STX17: variants seen among roughly 807,000 people sequenced by gnomAD.
STX17 encodes syntaxin 17.
Under a neutral mutation model 35.9 loss-of-function variants are expected in STX17, and 29 were observed. The ratio of observed to expected loss-of-function variants is 0.81; its 90% CI spans 0.60 to 1.10. The LOEUF (loss-of-function observed/expected upper bound fraction) is 1.10, where lower values mean the gene tolerates loss of function less well. STX17 is among the 50% of genes least tolerant of loss of function. The pLI is 0.00. For synonymous variants in STX17, 92 were observed against 118.3 expected (o/e 0.78, Z 1.44); for missense variants, 312 against 352.3 (o/e 0.89, Z 0.92).
intron 2 of STX17, among the ~76,000 whole-genome samples, chr9:99,926,745 G>A (rs1281921604): frequency 1.3e-5 from 2 of 152,104 alleles, no homozygotes; most frequent in East Asian, 1.9e-4. Flanking sequence ...TGATCCGCCC[G>A]CTTCAGCCTC....
chr9:99,971,494 G>A lies in STX17; in HGVS notation c.*2821G>A, dbSNP rs1830014289. ...CCCACTAAATTGATATCTACCAATG[G>A]GTTGCAACCCTTAGCTTGAAAAAAA... On this transcript the variant is annotated 3_prime_UTR_variant, in exon 8 of 8. Coordinates refer to ENST00000259400, the MANE Select transcript of STX17 (RefSeq NM_017919.3). Among the ~76,000 whole-genome samples, 1 of 151,846 alleles carries A rather than the reference G, an allele frequency of 6.6e-6. No homozygotes were observed. The highest frequency in any genetic ancestry group is 6.6e-5 in the Admixed American group (1 of 15,250).
At chr9:99,926,944 A>G (rs1018739188) in intron 2 of STX17, among the ~76,000 whole-genome samples, 1 of 152,228 alleles carries the variant, frequency 6.6e-6, no homozygotes, top group Non-Finnish European at 1.5e-5. Context: ...TTGTGGTCAC[A>G]TGTACCATTT....
intron 2 of STX17, among the ~76,000 whole-genome samples, chr9:99,920,880 T>G (rs1288536619): frequency 6.6e-6 from 1 of 152,220 alleles, no homozygotes; most frequent in Non-Finnish European, 1.5e-5. Flanking sequence ...TATTCCTTAT[T>G]TTTCTTGTAA....
chr9:99,914,751 C>CT (rs1303313302), intron 1 of STX17, among the ~76,000 whole-genome samples: 1 of 152,096 alleles, frequency 6.6e-6, no homozygotes, highest in Non-Finnish European at 1.5e-5. Context: ...CATTTGATAC[C>CT]TTTTTTAAAA....
chr9:99,917,196 G>C (rs1828793961), intron 2 of STX17, among the ~76,000 whole-genome samples: 1 of 152,090 alleles, frequency 6.6e-6, no homozygotes, highest in Non-Finnish European at 1.5e-5. Context: ...ATTTTATACT[G>C]ATCTAGGTTT....
chr9:99,922,696 G>A, intron 2 of STX17, among the ~76,000 whole-genome samples: 1 of 152,224 alleles, frequency 6.6e-6, no homozygotes, highest in East Asian at 1.9e-4. Context: ...GGGGCAGCAA[G>A]GGGTGGGCAA....
At chr9:99,911,033 T>TC (rs1285553983) in intron 1 of STX17, among the ~76,000 whole-genome samples, 1 of 151,622 alleles carries the variant, frequency 6.6e-6, no homozygotes, top group Non-Finnish European at 1.5e-5. Context: ...AGGATTTCAT[T>TC]CTTTTTTTTT....
intron 3 of STX17, chr9:99,929,766 A>G (rs1829074153): frequency 1.3e-5 from 2 of 151,956 alleles, no homozygotes; most frequent in Admixed American, 1.3e-4. Flanking sequence ...CAAATAGTGA[A>G]ATACAGTACT....
intron 1 of STX17, among the ~76,000 whole-genome samples, chr9:99,909,998 C>T (rs374235171): frequency 3.2e-4 from 49 of 152,032 alleles, no homozygotes; most frequent in African/African-American, 1.1e-3. Context: ...TTTGGGAGGC[C>T]GAGGCAGGTG....
At chr9:99,938,785 T>TGGAA (rs1282089557) in intron 3 of STX17, among the ~76,000 whole-genome samples, 4 of 102,556 alleles carry the variant, frequency 3.9e-5, no homozygotes, top group Non-Finnish European at 7.2e-5. Flanking sequence ...AGACCTTGTC[T>TGGAA]GGAAGGAAGG....
chr9:99,971,440 T>C lies in STX17; in HGVS notation c.*2767T>C, dbSNP rs1471493483. 2.0e-5 allele frequency among the ~76,000 whole-genome samples: 3 copies of C among 152,196 alleles called. No homozygotes were observed. Among genetic ancestry groups the C allele is most frequent in the Non-Finnish European group, 2.9e-5 (2 of 68,042 alleles). ...CTTACCATTCTGATGCTTTTTATTG[T>C]TTCAGTTTTTAAAATATGCCAGTTG... On this transcript the variant is annotated 3_prime_UTR_variant, in exon 8 of 8. Coordinates refer to ENST00000259400, the MANE Select transcript of STX17 (RefSeq NM_017919.3).
intron 6 of STX17, among the ~76,000 whole-genome samples, chr9:99,961,234 A>G (rs1321662190): frequency 6.6e-6 from 1 of 152,210 alleles, no homozygotes; most frequent in Non-Finnish European, 1.5e-5. Flanking sequence ...TGCTTCAGAA[A>G]GATCACTGTT....
rs893149846 is a variant in STX17 at position 99,959,135 on chromosome 9, A to G, written c.416-782A>G. 5.9e-5 allele frequency among the ~76,000 whole-genome samples: 9 copies of G among 152,330 alleles called. No individual in the cohort carries two copies. The South Asian group carries it at 1.7e-3, about 28-fold the overall frequency. ...TTATATAGGTACGTCTCCTTGGAAC[A>G]TTGGCCAAGTAGAATAGTTTTCTTT... On this transcript the variant is annotated intron_variant, in intron 4 of 7. Transcript: ENST00000259400.
In STX17 at chr9:99,922,608, A is replaced by G. The variant is rs1274054112; in HGVS notation, c.124-6170A>G. ...TCATGTGTCCCACATGTGTAGTCCT[A>G]AATGCCACTGTCTCACAGTTGGCCT... On this transcript the variant is annotated intron_variant, in intron 2 of 7. Transcript: ENST00000259400. 3.9e-5 allele frequency among the ~76,000 whole-genome samples: 6 copies of G among 152,204 alleles called. No homozygotes were observed. In the South Asian group the frequency reaches 6.2e-4, roughly 16 times the overall value.
intron 3 of STX17, among the ~76,000 whole-genome samples, chr9:99,933,622 G>A (rs1159948972): frequency 1.3e-5 from 2 of 151,966 alleles, no homozygotes; most frequent in Non-Finnish European, 2.9e-5. Flanking sequence ...GTGGTACATT[G>A]TACTTTCTAA....
At chr9:99,960,422 C>A (rs751638574) in intron 6 of STX17, among the ~76,000 whole-genome samples, 13 of 151,698 alleles carry the variant, frequency 8.6e-5, no homozygotes, top group Non-Finnish European at 1.9e-4. Flanking sequence ...AGCCCATTCT[C>A]TGCCTTTGAA....
intron 1 of STX17, among the ~76,000 whole-genome samples, chr9:99,914,662 A>T (rs1164015040): frequency 6.6e-6 from 1 of 152,194 alleles, no homozygotes; most frequent in African/African-American, 2.4e-5. Context: ...ATGTTATCAT[A>T]TATTTGAAGT....
chr9:99,961,404 A>T (rs1829823533), intron 6 of STX17, among the ~76,000 whole-genome samples: 1 of 152,180 alleles, frequency 6.6e-6, no homozygotes, highest in South Asian at 2.1e-4. Flanking sequence ...TTGGAGGAAG[A>T]TGGAGCCAAA....
At position 99,928,759 on chromosome 9, in the gene STX17, C is replaced by T. The variant is rs753391476; in HGVS notation, c.124-19C>T. On this transcript the variant is annotated intron_variant, in intron 2 of 7. Coordinates refer to ENST00000259400, the MANE Select transcript of STX17 (RefSeq NM_017919.3). ...TTAGTGATGAAAAATTTAATACCTC[C>T]CTTCTTTCTTTTATATAGTATCAAA... 1 of 1,594,200 alleles carries T rather than the reference C, an allele frequency of 6.3e-7. No individual in the cohort carries two copies. The highest frequency in any genetic ancestry group is 1.7e-5 in the Admixed American group (1 of 58,550).
Sources: gnomAD v4.1 joint callset for allele counts (sites outside exome capture counted in the v4.1 genomes callset) on GRCh38, gnomAD v4.1.1 for gene constraint, MANE v1.5 for transcripts, NCBI Gene and HGNC (gene_info 2026-07-23, HGNC 2026-07-21) for gene names.